Variants in ZFAND6 observed in about 807,000 individuals in gnomAD.
The protein encoded by ZFAND6 is AN1-type zinc finger protein 6.
In ZFAND6, 12 loss-of-function variants were observed where a neutral mutation model predicts 24.5. That is an observed-to-expected ratio of 0.49 (90% CI 0.31 to 0.79). The LOEUF (loss-of-function observed/expected upper bound fraction) is 0.79. Ranked by LOEUF, ZFAND6 falls within the 30% of genes least tolerant of loss-of-function variation. The pLI, the probability that ZFAND6 is intolerant of heterozygous loss-of-function variation, is 0.04. For synonymous variants in ZFAND6, 92 were observed against 81.5 expected, an observed-to-expected ratio of 1.13 and a Z score of -0.69; for missense variants, 207 against 245.9, an observed-to-expected ratio of 0.84 and a Z score of 1.06.
chr15:80,066,232 G>C (rs1454607360), intron 1 of ZFAND6, among the ~76,000 whole-genome samples: 7 of 151,888 alleles, frequency 4.6e-5, no homozygotes, highest in South Asian at 4.1e-4. Flanking sequence ...ATCTGAGACT[G>C]TCTCTCTGAG....
chr15:80,134,513 T>C (rs1037493123), intron 6 of ZFAND6, among the ~76,000 whole-genome samples: 1 of 152,212 alleles, frequency 6.6e-6, no homozygotes, highest in Non-Finnish European at 1.5e-5. Context: ...CATCATATCA[T>C]TGAAGATACC....
intron 2 of ZFAND6, among the ~76,000 whole-genome samples, chr15:80,104,421 A>C (rs2039205197): frequency 6.6e-6 from 1 of 152,162 alleles, no homozygotes; most frequent in African/African-American, 2.4e-5. Context: ...TGGGAAGCTG[A>C]GGCAGGAGAA....
Position 80,091,924 on chromosome 15 carries a change from G to GCCTC in ZFAND6, c.-180-6490_-180-6487dup, listed in dbSNP as rs2038402353. Among the ~76,000 whole-genome samples the GCCTC allele has an allele frequency of 7.2e-5, 11 of 152,248 alleles. No individual in the cohort carries two copies. In the South Asian group the frequency reaches 2.3e-3, roughly 32 times the overall value. ...CAAAGTGCTGAGATTACAAACATGA[G>GCCTC]CCTCCGTACCTGGCCAATCCATATA... is the stretch of plus-strand genomic sequence containing the variant. On this transcript the variant is annotated intron_variant, in intron 1 of 6. Transcript: ENST00000261749.
At position 80,121,786 on chromosome 15, in the gene ZFAND6, G is replaced by A. The variant is rs2142017219; in HGVS notation, c.229G>A (p.Ala77Thr). The A allele has an allele frequency of 6.2e-7, 1 of 1,613,816 alleles. No homozygotes were observed. Among genetic ancestry groups the A allele is most frequent in the Non-Finnish European group, 8.5e-7 (1 of 1,179,806 alleles). Residue 77 changes from alanine to threonine, a missense_variant, in exon 4 of 7, where the codon GCA becomes ACA. Around this residue, in one of 3 missense-constraint regions of ZFAND6, gnomAD observed 133 missense variants for 122.8 expected, o/e 1.08. Transcript: ENST00000261749. ...TDGSVPEAQS[A>T]LDSTSSSMQP... ...TGGCAGTGTGCCAGAAGCCCAGTCA[G>A]CATTAGACTCTACATCTTCATCTAT...
At chr15:80,126,423 C>T (rs967139789) in intron 5 of ZFAND6, among the ~76,000 whole-genome samples, 23 of 152,156 alleles carry the variant, frequency 1.5e-4, no homozygotes, top group South Asian at 4.2e-4. Context: ...TGTGTTGTAC[C>T]GGCATGAGGA....
chr15:80,106,637 T>C (rs2039343720), intron 2 of ZFAND6, among the ~76,000 whole-genome samples: 1 of 152,044 alleles, frequency 6.6e-6, no homozygotes, highest in Non-Finnish European at 1.5e-5. Flanking sequence ...TAGAAACTTA[T>C]TATTTGCTCA....
chr15:80,066,465 A>G (rs553713748), intron 1 of ZFAND6, among the ~76,000 whole-genome samples: 6 of 151,872 alleles, frequency 4.0e-5, no homozygotes, highest in African/African-American at 1.2e-4. Flanking sequence ...GGCATGCGCC[A>G]CCATGCCCAG....
At chr15:80,084,562 A>G (rs371306554) in intron 1 of ZFAND6, among the ~76,000 whole-genome samples, 2 of 152,226 alleles carry the variant, frequency 1.3e-5, no homozygotes, top group Non-Finnish European at 2.9e-5. Flanking sequence ...TTTAATTACT[A>G]ATTTACGTGG....
At chr15:80,102,091 C>T (rs551678109) in intron 2 of ZFAND6, among the ~76,000 whole-genome samples, 103 of 151,764 alleles carry the variant, frequency 6.8e-4, no homozygotes, top group African/African-American at 2.2e-3. Flanking sequence ...CCACCACGCC[C>T]GGCCATAAAG....
chr15:80,122,180 T>C (rs546489916), intron 4 of ZFAND6, among the ~76,000 whole-genome samples: 7 of 152,332 alleles, frequency 4.6e-5, no homozygotes, highest in Admixed American at 1.3e-4. Flanking sequence ...TTGTTTAATA[T>C]CATGATGTAG....
In ZFAND6 at chr15:80,085,350, C is replaced by T. The variant is rs28519404; in HGVS notation, c.-180-13066C>T. Among the ~76,000 whole-genome samples, 106 of 152,256 alleles carry T rather than the reference C, an allele frequency of 7.0e-4. 2 individuals carry two copies. The highest frequency in any genetic ancestry group is 2.3e-3 in the African/African-American group (97 of 41,542). On this transcript the variant is annotated intron_variant, in intron 1 of 6. Coordinates refer to ENST00000261749, the MANE Select transcript of ZFAND6 (RefSeq NM_019006.4). ...TTACTGTATCCTCAGATCCTAGAAC[C>T]GTAGCTGGCACATAGGAAATGCTTA...
At position 80,098,407 on chromosome 15, in the gene ZFAND6, G is replaced by A. The variant is rs947256823; in HGVS notation, c.-180-9G>A. Reference sequence around the variant, plus strand: ...GTCTCAACTCTGTTTCATGTTAAATGTGTTACAGGAATGAATCTGAAGTCT... The same window carrying A: ...GTCTCAACTCTGTTTCATGTTAAATATGTTACAGGAATGAATCTGAAGTCT... On this transcript the variant is annotated splice_polypyrimidine_tract_variant and intron_variant, in intron 1 of 6. Transcript: ENST00000261749. 6.6e-6 allele frequency: 1 copy of A among 152,114 alleles called. No individual in the cohort carries two copies. The highest frequency in any genetic ancestry group is 2.4e-5 in the African/African-American group (1 of 41,426). 9.4% of individuals were successfully genotyped at this position (152,114 alleles called of 1,614,324 possible). A position where few individuals can be genotyped will look rare whatever the true frequency, so the allele number is the denominator to read the frequency against.
chr15:80,102,892 C>T (rs1300761418), intron 2 of ZFAND6, among the ~76,000 whole-genome samples: 6 of 152,056 alleles, frequency 3.9e-5, no homozygotes, highest in African/African-American at 9.7e-5. Flanking sequence ...TCCATTCTAC[C>T]TAAGGAAAGA....
In ZFAND6 at chr15:80,137,796, A is replaced by G; in HGVS notation, c.*168A>G. 1 of 634,716 alleles carries G rather than the reference A, an allele frequency of 1.6e-6. No homozygotes were observed. The highest frequency in any genetic ancestry group is 4.1e-5 in the Admixed American group (1 of 24,626). 39.3% of individuals were successfully genotyped at this position (634,716 alleles called of 1,614,324 possible). On this transcript the variant is annotated 3_prime_UTR_variant, in exon 7 of 7. Coordinates refer to ENST00000261749, the MANE Select transcript of ZFAND6 (RefSeq NM_019006.4). Reference sequence around the variant, plus strand: ...AAAATGACTCTGAACATTTATTTCCATTGCAATTTCTGTGGCTGAGGAGAC... The same window carrying G: ...AAAATGACTCTGAACATTTATTTCCGTTGCAATTTCTGTGGCTGAGGAGAC...
intron 1 of ZFAND6, among the ~76,000 whole-genome samples, chr15:80,067,300 G>C (rs961226034): frequency 5.3e-5 from 8 of 152,024 alleles, no homozygotes; most frequent in Non-Finnish European, 1.0e-4. Context: ...TTTACCTCTT[G>C]TTACTTTTCT....
chr15:80,085,101 C>G (rs780705918), intron 1 of ZFAND6, among the ~76,000 whole-genome samples: 2 of 152,196 alleles, frequency 1.3e-5, no homozygotes, highest in Non-Finnish European at 2.9e-5. Context: ...GCTGCTGATT[C>G]TTCCATACGT....
intron 1 of ZFAND6, among the ~76,000 whole-genome samples, chr15:80,081,491 G>A (rs1001882958): frequency 3.9e-5 from 6 of 152,290 alleles, no homozygotes; most frequent in Admixed American, 2.6e-4. Flanking sequence ...GCAGAGTACC[G>A]TATTGTCAAA....
intron 1 of ZFAND6, among the ~76,000 whole-genome samples, chr15:80,084,560 C>CTAAT (rs1329448462): frequency 6.6e-6 from 1 of 152,202 alleles, no homozygotes; most frequent in African/African-American, 2.4e-5. Flanking sequence ...GATTTAATTA[C>CTAAT]TAATTTACGT....
At chr15:80,095,807 T>G (rs2038687317) in intron 1 of ZFAND6, among the ~76,000 whole-genome samples, 1 of 152,212 alleles carries the variant, frequency 6.6e-6, no homozygotes, top group African/African-American at 2.4e-5. Context: ...CCCTTCAAAA[T>G]GTGTTCTTTT....
Sources: allele counts gnomAD v4.1 joint callset (sites outside exome capture counted in the v4.1 genomes callset), GRCh38; gene constraint gnomAD v4.1.1; regional missense constraint gnomAD v4.1.1; transcripts MANE v1.5; gene names NCBI Gene and HGNC (gene_info 2026-07-23, HGNC 2026-07-21).